The following ME3 variants were observed in gnomAD, a reference collection of about 807,000 sequenced individuals.
ME3 encodes the protein NADP-dependent malic enzyme, mitochondrial.
A neutral mutation model predicts 68.9 loss-of-function variants in ME3; 48 were observed. The observed-to-expected ratio is 0.70, with a 90% CI of 0.55 to 0.89. The LOEUF is 0.89. ME3 is among the 40% of genes least tolerant of loss of function. ME3 has a pLI of 0.00. For missense variants in ME3, 675 were observed against 797.4 expected (o/e 0.85, Z 1.85); for synonymous variants, 320 against 318.8 (o/e 1.00, Z -0.04).
At chr11:86,562,733 G>A (rs144048863) in intron 2 of ME3, among the ~76,000 whole-genome samples, 3 of 152,040 alleles carry the variant, frequency 2.0e-5, no homozygotes, top group African/African-American at 7.2e-5. Flanking sequence ...CAGGAATATT[G>A]TATGATGCTG....
chr11:86,560,533 C>T (rs1957154346), intron 2 of ME3, among the ~76,000 whole-genome samples: 2 of 151,770 alleles, frequency 1.3e-5, no homozygotes, highest in South Asian at 4.2e-4. Context: ...TCCCATATAC[C>T]CCCTCAGCCA....
At chr11:86,529,276 C>T (rs12798729) in intron 4 of ME3, among the ~76,000 whole-genome samples, 27 of 151,920 alleles carry the variant, frequency 1.8e-4, no homozygotes, top group Non-Finnish European at 3.2e-4. Context: ...ATAAATTCCT[C>T]GACACATACA....
At chr11:86,647,943 A>C (rs1479711941) in intron 2 of ME3, among the ~76,000 whole-genome samples, 1 of 152,236 alleles carries the variant, frequency 6.6e-6, no homozygotes, top group African/African-American at 2.4e-5. Context: ...ACCCCAAATC[A>C]ACAGAATATA....
At chr11:86,596,142 T>A (rs537585592) in intron 2 of ME3, among the ~76,000 whole-genome samples, 1 of 152,378 alleles carries the variant, frequency 6.6e-6, no homozygotes, top group South Asian at 2.1e-4. Flanking sequence ...GCCTTCGTAT[T>A]TCAAAACCTA....
intron 2 of ME3, among the ~76,000 whole-genome samples, chr11:86,605,923 A>G (rs1044688068): frequency 6.6e-6 from 1 of 151,872 alleles, no homozygotes; most frequent in Admixed American, 6.6e-5. Flanking sequence ...CCTACCCCCA[A>G]CCTCACCCCA....
chr11:86,467,050 A>G (rs1185650484), intron 7 of ME3, among the ~76,000 whole-genome samples: 3 of 151,988 alleles, frequency 2.0e-5, no homozygotes, highest in African/African-American at 7.3e-5. Flanking sequence ...GACAAATACA[A>G]ATTGCATATA....
At chr11:86,467,747 T>C (rs1950565388) in intron 7 of ME3, among the ~76,000 whole-genome samples, 1 of 151,300 alleles carries the variant, frequency 6.6e-6, no homozygotes, top group Admixed American at 6.6e-5. Flanking sequence ...TTCACTGAGG[T>C]AAAAATAAGG....
chr11:86,493,964 AG>A, intron 6 of ME3, among the ~76,000 whole-genome samples: 1 of 152,202 alleles, frequency 6.6e-6, no homozygotes, highest in East Asian at 1.9e-4. Context: ...TAGAAGGCCA[AG>A]CTTCCCTCTG....
chr11:86,648,040 G>T (rs1002842452), intron 2 of ME3, among the ~76,000 whole-genome samples: 1 of 152,186 alleles, frequency 6.6e-6, no homozygotes, highest in Non-Finnish European at 1.5e-5. Flanking sequence ...CAAAAGAATG[G>T]AAATCATAAC....
intron 2 of ME3, among the ~76,000 whole-genome samples, chr11:86,596,742 A>C (rs769551685): frequency 6.6e-6 from 1 of 152,244 alleles, no homozygotes; most frequent in Non-Finnish European, 1.5e-5. Flanking sequence ...AAGGTCATGT[A>C]GGTAAGAAGT....
chr11:86,510,644 A>G (rs1426178117), intron 4 of ME3, among the ~76,000 whole-genome samples: 3 of 152,188 alleles, frequency 2.0e-5, no homozygotes, highest in Admixed American at 1.3e-4. Flanking sequence ...ATGTTTGGCA[A>G]CATCCTTGGC....
At chr11:86,462,283 CA>C (rs1950259612) in intron 8 of ME3, among the ~76,000 whole-genome samples, 2 of 151,914 alleles carry the variant, frequency 1.3e-5, no homozygotes, top group Admixed American at 6.6e-5. Flanking sequence ...CTAGAAATAT[CA>C]AAAAAATTAA....
chr11:86,474,055 T>G (rs1239863376), intron 7 of ME3, among the ~76,000 whole-genome samples: 3 of 152,098 alleles, frequency 2.0e-5, no homozygotes, highest in Non-Finnish European at 4.4e-5. Flanking sequence ...TCACCGGAGC[T>G]CCACTTGGCA....
chr11:86,515,331 C>T (rs1406041570), intron 4 of ME3, among the ~76,000 whole-genome samples: 4 of 152,162 alleles, frequency 2.6e-5, no homozygotes, highest in African/African-American at 9.7e-5. Flanking sequence ...AATGCTCTTG[C>T]AACACTATCC....
At chr11:86,531,815 G>A (rs183168391) in intron 4 of ME3, among the ~76,000 whole-genome samples, 85 of 139,738 alleles carry the variant, frequency 6.1e-4, no homozygotes, top group African/African-American at 1.5e-3. Context: ...ATCACACACC[G>A]GGGCCTATTT....
chr11:86,463,126 C>T (rs749131161), intron 8 of ME3, among the ~76,000 whole-genome samples: 3 of 152,232 alleles, frequency 2.0e-5, no homozygotes, highest in African/African-American at 7.2e-5. Flanking sequence ...AGTTTGGGGG[C>T]GGATGGGCCT....
chr11:86,613,990 C>T (rs990114386), intron 2 of ME3, among the ~76,000 whole-genome samples: 1 of 152,088 alleles, frequency 6.6e-6, no homozygotes, highest in African/African-American at 2.4e-5. Flanking sequence ...CATATGGAAC[C>T]AACAGAGAGC....
chr11:86,582,861 T>C (rs1336506722), intron 2 of ME3, among the ~76,000 whole-genome samples: 1 of 151,406 alleles, frequency 6.6e-6, no homozygotes, highest in African/African-American at 2.4e-5. Flanking sequence ...CCCAGTTGTT[T>C]CCACCGAGTC....
intron 7 of ME3, among the ~76,000 whole-genome samples, chr11:86,481,593 G>T (rs1193034809): frequency 6.6e-6 from 1 of 152,052 alleles, no homozygotes; most frequent in Non-Finnish European, 1.5e-5. Flanking sequence ...GTGTGGGGGT[G>T]GAGTGTACCC....
Sources: allele counts gnomAD v4.1 joint callset (sites outside exome capture counted in the v4.1 genomes callset), GRCh38; gene constraint gnomAD v4.1.1; transcripts MANE v1.5; gene names NCBI Gene and HGNC (gene_info 2026-07-23, HGNC 2026-07-21).